The following TRIM55 variants were observed in gnomAD, a reference collection of about 807,000 sequenced individuals.
TRIM55 encodes the protein tripartite motif-containing protein 55.
In TRIM55, 50 loss-of-function variants were observed where a neutral mutation model predicts 60.9. The ratio of observed to expected loss-of-function variants is 0.82; its 90% CI spans 0.65 to 1.04. The LOEUF (loss-of-function observed/expected upper bound fraction) is 1.04. TRIM55 is among the 50% of genes least tolerant of loss of function. TRIM55 has a pLI of 0.00. For missense variants in TRIM55, 681 were observed against 666.9 expected (o/e 1.02, Z -0.23); for synonymous variants, 237 against 238.1 (o/e 1.00, Z 0.04).
At chr8:66,124,074 G>A (rs541224733), upstream of TRIM55, among the ~76,000 whole-genome samples, 10 of 152,230 alleles carry the variant, frequency 6.6e-5, no homozygotes, top group South Asian at 2.1e-3. Context: ...GGTTACTCAG[G>A]CTCAGGCATC....
the TRIM55 span, among the ~76,000 whole-genome samples, chr8:66,115,603 A>G: frequency 6.6e-6 from 1 of 152,162 alleles, no homozygotes; most frequent in African/African-American, 2.4e-5. Context: ...AACTCAAAGG[A>G]TATCTCAGAG....
intron 9 of TRIM55, among the ~76,000 whole-genome samples, chr8:66,157,998 C>G (rs1810839772): frequency 6.6e-6 from 1 of 152,114 alleles, no homozygotes. Flanking sequence ...TGGATTCAGC[C>G]TTGTGGTGAA....
rs117023806 is a variant in TRIM55, at chr8:66,165,951, G to T, written c.1525-8520G>T. On this transcript the variant is annotated intron_variant, in intron 9 of 9. Transcript: ENST00000315962. ...TACAACTGCAATATTATTTTTCTGG[G>T]CTTTTTTTTTTTCCTACTGAGAAAG... Among the ~76,000 whole-genome samples, 433 of 134,278 alleles carry T rather than the reference G, an allele frequency of 3.2e-3. 1 individual carries two copies. The highest frequency in any genetic ancestry group is 6.9e-3 in the Middle Eastern group (2 of 290). 88.1% of individuals were successfully genotyped at this position (134,278 alleles called of 152,430 possible). A position where few individuals can be genotyped will look rare whatever the true frequency, so the allele number is the denominator to read the frequency against.
intron 4 of TRIM55, among the ~76,000 whole-genome samples, chr8:66,142,143 A>G (rs1237698060): frequency 6.6e-6 from 1 of 152,224 alleles, no homozygotes; most frequent in Non-Finnish European, 1.5e-5. Flanking sequence ...GGTACATTCC[A>G]GGGGCTTGGT....
intron 4 of TRIM55, among the ~76,000 whole-genome samples, chr8:66,144,088 G>A (rs1389815633): frequency 6.6e-6 from 1 of 152,110 alleles, no homozygotes; most frequent in African/African-American, 2.4e-5. Flanking sequence ...TATAAAGGTG[G>A]CTAGAAATTG....
intron 8 of TRIM55, among the ~76,000 whole-genome samples, chr8:66,153,327 A>G (rs1810550967): frequency 6.6e-6 from 1 of 152,210 alleles, no homozygotes; most frequent in South Asian, 2.1e-4. Context: ...GGTTGACCTC[A>G]TGTTTCTAAT....
At chr8:66,149,973 T>G in intron 5 of TRIM55, 95 bp downstream of exon 5, 4 of 1,088,546 alleles carry the variant, frequency 3.7e-6, no homozygotes, top group Non-Finnish European at 5.3e-6. Context: ...ATTTCAGTTT[T>G]TATTTATTTT....
chr8:66,131,408 TGC>T, intron 2 of TRIM55, among the ~76,000 whole-genome samples: 2 of 152,342 alleles, frequency 1.3e-5, no homozygotes, highest in Non-Finnish European at 1.5e-5. Flanking sequence ...CAATGACATG[TGC>T]ATACTACTGG....
chr8:66,154,372 C>T, intron 9 of TRIM55, 38 bp downstream of exon 9: 1 of 1,599,462 alleles, frequency 6.3e-7, no homozygotes, highest in Non-Finnish European at 8.5e-7. Context: ...CTTTCCCGCG[C>T]CCCCTAGGGT....
chr8:66,124,556 AC>A (rs530924353), upstream of TRIM55, among the ~76,000 whole-genome samples: 224 of 152,260 alleles, frequency 1.5e-3, 1 homozygote, highest in Middle Eastern at 0.017. Flanking sequence ...CAGTTCAAAC[AC>A]TACCCCCACC....
chr8:66,152,502 GA>G lies in TRIM55; in HGVS notation c.1115del (p.Asn372ThrfsTer39), dbSNP rs751626694. On this transcript the variant is annotated frameshift_variant, in exon 8 of 10. Coordinates refer to ENST00000315962, the MANE Select transcript of TRIM55 (RefSeq NM_184085.2). LOFTEE classifies it high-confidence loss of function. Reference protein sequence around the residue: ...NVQTEFPGEDENPEKASELSQ... With the variant: ...NVQTEFPGEDXNPEKASELSQ... ...TCAAACAGAGTTTCCAGGAGAAGAT[GA>G]AAACCCAGAAAAAGCTTCAGAGCTC... 27 of 1,614,048 alleles carry G rather than the reference GA, an allele frequency of 1.7e-5. No individual in the cohort carries two copies. The East Asian group carries it at 5.8e-4, about 35-fold the overall frequency.
intron 8 of TRIM55, 68 bp from the exon 9 acceptor site, chr8:66,153,979 C>A: frequency 2.0e-6 from 3 of 1,487,534 alleles, no homozygotes; most frequent in Non-Finnish European, 2.7e-6. Context: ...GAACTAAAAT[C>A]AACTGCTTTT....
chr8:66,168,423 G>A (rs1244890465), intron 9 of TRIM55, among the ~76,000 whole-genome samples: 5 of 152,202 alleles, frequency 3.3e-5, no homozygotes. Context: ...CAATGCTTGG[G>A]CTTGGTCTTT....
the TRIM55 span, among the ~76,000 whole-genome samples, chr8:66,118,677 A>G: frequency 2.0e-4 from 30 of 152,340 alleles, no homozygotes; most frequent in African/African-American, 7.0e-4. Context: ...ATGGTTAGAA[A>G]GTGCTTTATT....
intron 4 of TRIM55, among the ~76,000 whole-genome samples, chr8:66,143,756 G>A (rs1809955192): frequency 1.3e-5 from 2 of 152,106 alleles, no homozygotes; most frequent in Non-Finnish European, 2.9e-5. Context: ...TCTCGAGGGT[G>A]CATTGTGTGC....
rs184182614 is a variant in TRIM55 at position 66,154,309 on chromosome 8, C to T, written c.1499C>T (p.Thr500Ile). ...SERAAVSGKE[T>I]SAPAATSQIG... The stretch of plus-strand genomic sequence containing the variant: ...AGGGCAGCTGTGAGTGGTAAGGAAA[C>T]TAGTGCACCTGCAGCTACTTCTCAG... Residue 500 changes from threonine (T) to isoleucine (I), a missense_variant, in exon 9 of 10, where the codon ACT becomes ATT. By Grantham distance (89) the Thr-to-Ile change is moderately conservative. Transcript: ENST00000315962. 169 of 1,614,070 alleles carry T rather than the reference C, an allele frequency of 1.0e-4. No individual in the cohort carries two copies. Among genetic ancestry groups the T allele is most frequent in the Middle Eastern group, 3.3e-4 (2 of 6,060 alleles).
intron 2 of TRIM55, among the ~76,000 whole-genome samples, 185 bp from the exon 3 acceptor site, chr8:66,134,805 C>T (rs993883727): frequency 7.2e-5 from 11 of 152,244 alleles, no homozygotes; most frequent in African/African-American, 2.6e-4. Context: ...CCCTGCTACA[C>T]CTGCAGGGAA....
the TRIM55 span, among the ~76,000 whole-genome samples, chr8:66,115,424 A>G: frequency 1.4e-4 from 21 of 152,216 alleles, no homozygotes; most frequent in African/African-American, 4.8e-4. Flanking sequence ...GACATGTCCC[A>G]GTTTCTAGTT....
chr8:66,114,079 G>GC, the TRIM55 span, among the ~76,000 whole-genome samples: 29 of 53,764 alleles, frequency 5.4e-4, 1 homozygote, highest in East Asian at 1.2e-3. Context: ...TCGAAGGAGA[G>GC]ACACCCCCCC....
Sources: allele counts gnomAD v4.1 joint callset (sites outside exome capture counted in the v4.1 genomes callset), GRCh38; gene constraint gnomAD v4.1.1; transcripts MANE v1.5; gene names NCBI Gene and HGNC (gene_info 2026-07-23, HGNC 2026-07-21).